SEMA3D: variants seen among roughly 807,000 people sequenced by gnomAD.
SEMA3D encodes the protein semaphorin-3D.
A neutral mutation model predicts 100.1 loss-of-function variants in SEMA3D; 84 were observed. The observed-to-expected ratio is 0.84, with a 90% CI of 0.70 to 1.01. The LOEUF is 1.01. SEMA3D is among the 50% of genes least tolerant of loss of function. The pLI is 0.00. For synonymous variants in SEMA3D, 312 were observed against 320.7 expected, an observed-to-expected ratio of 0.97 and a Z score of 0.29; for missense variants, 875 against 934.1, an observed-to-expected ratio of 0.94 and a Z score of 0.82.
intron 2 of SEMA3D, among the ~76,000 whole-genome samples, chr7:85,145,156 C>T (rs1033107384): frequency 2.0e-5 from 3 of 151,860 alleles, no homozygotes; most frequent in African/African-American, 7.3e-5. Flanking sequence ...ATCATGTTGA[C>T]AGTGTTTTTT....
chr7:85,006,758 A>G (rs2115745436), intron 18 of SEMA3D, 44 bp downstream of exon 18: 2 of 1,501,772 alleles, frequency 1.3e-6, no homozygotes, highest in East Asian at 2.3e-5. Context: ...TCAATCGTAC[A>G]CTATTTCCCT....
intron 2 of SEMA3D, among the ~76,000 whole-genome samples, chr7:85,129,077 G>T (rs975904137): frequency 6.6e-6 from 1 of 150,986 alleles, no homozygotes; most frequent in Non-Finnish European, 1.5e-5. Context: ...GTAGAGATAG[G>T]GTCTCACTAT....
the SEMA3D span, among the ~76,000 whole-genome samples, chr7:85,249,780 C>A: frequency 1.6e-4 from 24 of 152,218 alleles, no homozygotes; most frequent in Admixed American, 9.2e-4. Context: ...TCCATTTTCT[C>A]CCCCAGAAAA....
chr7:85,003,392 A>G (rs1189064372), intron 18 of SEMA3D, among the ~76,000 whole-genome samples: 1 of 152,074 alleles, frequency 6.6e-6, no homozygotes, highest in Non-Finnish European at 1.5e-5. Context: ...TTAATTTACT[A>G]TCTTTGGGTA....
intron 9 of SEMA3D, among the ~76,000 whole-genome samples, chr7:85,049,393 G>A (rs1200464072): frequency 1.3e-5 from 2 of 151,488 alleles, no homozygotes; most frequent in Non-Finnish European, 2.9e-5. Context: ...TGGAAATACA[G>A]GACTGGTGTA....
At chr7:85,068,347 G>A in intron 6 of SEMA3D, 63 bp from the exon 7 acceptor site, 1 of 877,524 alleles carries the variant, frequency 1.1e-6, no homozygotes, top group Non-Finnish European at 1.9e-6. Context: ...TAAGAATGTG[G>A]GAGATACAAA....
intron 6 of SEMA3D, among the ~76,000 whole-genome samples, 174 bp from the exon 7 acceptor site, chr7:85,068,458 A>C (rs1334367554): frequency 6.6e-6 from 1 of 152,140 alleles, no homozygotes; most frequent in Non-Finnish European, 1.5e-5. Flanking sequence ...GGCAAGACTT[A>C]ATAACCATGT....
In SEMA3D at chr7:85,033,486, G is replaced by A. The variant is rs560430387; in HGVS notation, c.1191+3403C>T. The stretch of plus-strand genomic sequence containing the variant: ...TTGTAAAGCATCTTAACTTACACTC[G>A]AGTTGGAAAATAATGTAACCAGGAT... On this transcript the variant is annotated intron_variant, in intron 12 of 18. Transcript: ENST00000284136. 5.3e-4 allele frequency among the ~76,000 whole-genome samples: 80 copies of A among 152,130 alleles called. No individual in the cohort carries two copies. The Middle Eastern group carries it at 0.01, about 19-fold the overall frequency.
At chr7:85,150,368 T>TATATATAA (rs1554348719) in intron 2 of SEMA3D, among the ~76,000 whole-genome samples, 4 of 130,038 alleles carry the variant, frequency 3.1e-5, no homozygotes, top group African/African-American at 1.1e-4. Flanking sequence ...TATATATATA[T>TATATATAA]TATATATATA....
the SEMA3D span, among the ~76,000 whole-genome samples, chr7:85,236,299 T>TTATTTATTTATG: frequency 6.0e-5 from 9 of 148,866 alleles, no homozygotes; most frequent in African/African-American, 2.2e-4. Context: ...ATTTATTTAT[T>TTATTTATTTATG]TATTTATTTA....
intron 1 of SEMA3D, among the ~76,000 whole-genome samples, chr7:85,184,072 A>G (rs1356554651): frequency 6.6e-6 from 1 of 152,210 alleles, no homozygotes; most frequent in Non-Finnish European, 1.5e-5. Flanking sequence ...GATCATTAAT[A>G]TCACATACAT....
At chr7:85,017,290 T>C (rs978771557) in intron 15 of SEMA3D, among the ~76,000 whole-genome samples, 1 of 151,812 alleles carries the variant, frequency 6.6e-6, no homozygotes, top group African/African-American at 2.4e-5. Context: ...GTCTCTGTCT[T>C]TCTAGACTCT....
upstream of SEMA3D, among the ~76,000 whole-genome samples, chr7:85,187,375 G>T (rs1055085772): frequency 2.0e-5 from 3 of 152,132 alleles, no homozygotes; most frequent in African/African-American, 7.2e-5. Flanking sequence ...GAAACAGGGA[G>T]AGTGACCACA....
intron 2 of SEMA3D, among the ~76,000 whole-genome samples, chr7:85,127,597 T>A (rs1217262053): frequency 1.3e-5 from 2 of 152,124 alleles, no homozygotes; most frequent in African/African-American, 4.8e-5. Context: ...AGAAACAAAG[T>A]GCCTCCAAGG....
intron 8 of SEMA3D, among the ~76,000 whole-genome samples, chr7:85,061,496 C>A (rs1301614706): frequency 6.6e-6 from 1 of 152,080 alleles, no homozygotes; most frequent in Non-Finnish European, 1.5e-5. Flanking sequence ...AAAATGATAA[C>A]TCTTTAGAAT....
the SEMA3D span, among the ~76,000 whole-genome samples, chr7:85,210,146 C>T: frequency 2.0e-5 from 3 of 152,226 alleles, no homozygotes; most frequent in African/African-American, 7.2e-5. Context: ...TTATAGACCA[C>T]AGCCTCTCTC....
At chr7:85,144,467 T>C (rs866720298) in intron 2 of SEMA3D, 21 of 979,298 alleles carry the variant, frequency 2.1e-5, no homozygotes, top group African/African-American at 1.8e-4. Flanking sequence ...GTAGAAAATA[T>C]ATTTTATGTG....
intron 17 of SEMA3D, 53 bp from the exon 18 acceptor site, chr7:85,006,994 A>T: frequency 2.1e-6 from 3 of 1,458,550 alleles, no homozygotes; most frequent in Middle Eastern, 1.8e-4. Context: ...TTTAAAAGCA[A>T]TGGGAAAACA....
the SEMA3D span, among the ~76,000 whole-genome samples, chr7:85,239,069 C>T: frequency 6.6e-6 from 1 of 151,970 alleles, no homozygotes; most frequent in Admixed American, 6.6e-5. Context: ...ATATACACAC[C>T]TTATTAAGGT....
Sources: gnomAD v4.1 joint callset for allele counts (sites outside exome capture counted in the v4.1 genomes callset) on GRCh38, gnomAD v4.1.1 for gene constraint, MANE v1.5 for transcripts, NCBI Gene and HGNC (gene_info 2026-07-23, HGNC 2026-07-21) for gene names.